Variants in CAVIN1 observed in about 807,000 individuals in gnomAD.
CAVIN1 encodes caveolae associated protein 1, also known as caveolae-associated protein 1.
In CAVIN1, 16 loss-of-function variants were observed where a neutral mutation model predicts 24.0. The observed-to-expected ratio is 0.67, with a 90% confidence interval of 0.45 to 1.01. CAVIN1 has a LOEUF of 1.01. CAVIN1 is among the 50% of genes least tolerant of loss of function. The pLI, the probability that CAVIN1 is intolerant of heterozygous loss-of-function variation, is 0.00. For synonymous variants in CAVIN1, 256 were observed against 256.4 expected, an observed-to-expected ratio of 1.00 and a Z score of 0.02; for missense variants, 510 against 551.7, an observed-to-expected ratio of 0.92 and a Z score of 0.76.
chr17:42,420,087 G>A (rs575215490), intron 1 of CAVIN1, among the ~76,000 whole-genome samples: 5 of 150,346 alleles, frequency 3.3e-5, no homozygotes, highest in Admixed American at 2.0e-4. Flanking sequence ...TCTCTGCCCC[G>A]CCCCCACTGC....
At chr17:42,406,473 C>A (rs1194946067) in intron 1 of CAVIN1, among the ~76,000 whole-genome samples, 1 of 151,180 alleles carries the variant, frequency 6.6e-6, no homozygotes. Flanking sequence ...CTCCCAGGTT[C>A]AAGCAATTCT....
In CAVIN1 at chr17:42,405,292, C is replaced by T; in HGVS notation, c.568G>A (p.Glu190Lys). The change falls in exon 2 of 2, where the codon GAG becomes AAG. Residue 190 changes from glutamate to lysine, a missense_variant. Physicochemically the swap from Glu to Lys is moderately conservative, Grantham distance 56. Coordinates refer to ENST00000357037, the MANE Select transcript of CAVIN1 (RefSeq NM_012232.6). The part of the protein sequence containing the change: ...EKEGEELGEG[E>K]RPEEDAAALE... ...GCCGCTGCGTCCTCCTCGGGCCGCT[C>T]GCCCTCGCCCAGCTCCTCGCCCTCC... 6.2e-7 allele frequency: 1 copy of T among 1,612,518 alleles called. No individual in the cohort carries two copies. The highest frequency in any genetic ancestry group is 8.5e-7 in the Non-Finnish European group (1 of 1,179,940).
At chr17:42,422,210 G>T (rs958029932) in intron 1 of CAVIN1, among the ~76,000 whole-genome samples, 3 of 152,202 alleles carry the variant, frequency 2.0e-5, no homozygotes, top group African/African-American at 7.2e-5. Flanking sequence ...CGCTTACAGC[G>T]GACCCCAACG....
intron 1 of CAVIN1, chr17:42,411,664 T>C (rs1598574733): frequency 3.0e-6 from 3 of 985,280 alleles, no homozygotes; most frequent in East Asian, 2.3e-4. Context: ...CTGAGCCTCA[T>C]GATGGCCCTC....
At chr17:42,422,391 G>A (rs1176355946) in intron 1 of CAVIN1, among the ~76,000 whole-genome samples, 1 of 152,156 alleles carries the variant, frequency 6.6e-6, no homozygotes, top group Non-Finnish European at 1.5e-5. Flanking sequence ...GGGGAGGTGC[G>A]AGGTGCAGAG....
chr17:42,408,468 G>A (rs1477249011), intron 1 of CAVIN1, among the ~76,000 whole-genome samples: 1 of 144,204 alleles, frequency 6.9e-6, no homozygotes, highest in Non-Finnish European at 1.5e-5. Flanking sequence ...AGCAATCCTA[G>A]TGAGAGGAGG....
At chr17:42,415,714 A>AAAAAC (rs140333019) in intron 1 of CAVIN1, among the ~76,000 whole-genome samples, 2,125 of 152,130 alleles carry the variant, frequency 0.014, 21 homozygotes, top group South Asian at 0.031. Flanking sequence ...CCTGTCTCAG[A>AAAAAC]AAAACAAAAC....
chr17:42,405,692 T>TTTTTTTTTTTTTTTG (rs2085441965), intron 1 of CAVIN1, among the ~76,000 whole-genome samples: 1 of 122,532 alleles, frequency 8.2e-6, no homozygotes, highest in African/African-American at 3.2e-5. Flanking sequence ...GTTTTTTTTT[T>TTTTTTTTTTTTTTTG]TTTTTTTTTT....
intron 1 of CAVIN1, among the ~76,000 whole-genome samples, chr17:42,414,913 C>T (rs1006623421): frequency 1.3e-5 from 2 of 150,708 alleles, no homozygotes; most frequent in Admixed American, 6.6e-5. Flanking sequence ...CCCCTACGCC[C>T]CTCCCCTCCC....
chr17:42,409,379 G>A (rs775612530), intron 1 of CAVIN1, among the ~76,000 whole-genome samples: 2 of 152,184 alleles, frequency 1.3e-5, no homozygotes, highest in Non-Finnish European at 2.9e-5. Flanking sequence ...GAGATTTCTC[G>A]CATGAGCCAC....
At chr17:42,408,241 C>A (rs1430085785) in intron 1 of CAVIN1, among the ~76,000 whole-genome samples, 1 of 152,020 alleles carries the variant, frequency 6.6e-6, no homozygotes, top group Non-Finnish European at 1.5e-5. Context: ...TCTGCCCTAC[C>A]CCCAGCATCC....
intron 1 of CAVIN1, among the ~76,000 whole-genome samples, chr17:42,422,225 C>T (rs2085553003): frequency 6.6e-6 from 1 of 152,186 alleles, no homozygotes; most frequent in Non-Finnish European, 1.5e-5. Context: ...CCAACGATCG[C>T]GAGGGACCCC....
intron 1 of CAVIN1, among the ~76,000 whole-genome samples, chr17:42,415,633 C>G (rs533505530): frequency 5.9e-5 from 9 of 151,960 alleles, no homozygotes; most frequent in Admixed American, 5.9e-4. Flanking sequence ...AATGCTTGAG[C>G]CCGGACGACA....
intron 1 of CAVIN1, among the ~76,000 whole-genome samples, chr17:42,419,512 T>C (rs1226693201): frequency 6.6e-6 from 1 of 151,988 alleles, no homozygotes; most frequent in African/African-American, 2.4e-5. Context: ...GGTTTCACCA[T>C]GTTGGCCAGG....
At chr17:42,415,004 C>G (rs949870718) in intron 1 of CAVIN1, among the ~76,000 whole-genome samples, 1 of 151,492 alleles carries the variant, frequency 6.6e-6, no homozygotes, top group Non-Finnish European at 1.5e-5. Flanking sequence ...GTCACCAGGC[C>G]AGGTGACCAC....
chr17:42,422,703 G>T lies in CAVIN1; in HGVS notation c.395C>A (p.Ala132Glu), dbSNP rs1433222787. 1 of 1,608,224 alleles carries T rather than the reference G, an allele frequency of 6.2e-7. No individual in the cohort carries two copies. Among genetic ancestry groups the T allele is most frequent in the African/African-American group, 1.3e-5 (1 of 74,762 alleles). ...KTVRGSLERQ[A>E]GQIKKLEVNE... ...GACCTCCAGCTTCTTGATCTGCCCC[G>T]CCTGGCGCTCCAGGCTGCCGCGCAC... Residue 132 changes from alanine (A) to glutamate (E), a missense_variant, in exon 1 of 2, where the codon GCG becomes GAG. Transcript: ENST00000357037.
chr17:42,404,583 G>T lies in CAVIN1; in HGVS notation c.*104C>A. Reference sequence around the variant, plus strand: ...TTCCTGGAGGTGTGGGGAGGGGGGCGTGTTTTCAATTTAGAAAAATCTCAG... The same window carrying T: ...TTCCTGGAGGTGTGGGGAGGGGGGCTTGTTTTCAATTTAGAAAAATCTCAG... On this transcript the variant is annotated 3_prime_UTR_variant, in exon 2 of 2. Transcript: ENST00000357037. 1.3e-6 allele frequency: 1 copy of T among 749,314 alleles called. No individual in the cohort carries two copies. The highest frequency in any genetic ancestry group is 2.0e-6 in the Non-Finnish European group (1 of 506,482). The allele number at this position is 749,314 out of a possible 1,614,324, so 46.4% of individuals were successfully genotyped here. A position where few individuals can be genotyped will look rare whatever the true frequency, so the allele number is the denominator to read the frequency against.
chr17:42,421,848 C>T (rs2085549180), intron 1 of CAVIN1, among the ~76,000 whole-genome samples: 1 of 152,200 alleles, frequency 6.6e-6, no homozygotes, highest in East Asian at 1.9e-4. Flanking sequence ...CCGCCGGACC[C>T]CGCAGGGGCT....
chr17:42,413,575 A>G (rs2085494307), intron 1 of CAVIN1, among the ~76,000 whole-genome samples: 5 of 29,966 alleles, frequency 1.7e-4, no homozygotes, highest in South Asian at 1.4e-3. Context: ...GGAAAAAAAA[A>G]AAAAAAAAAA....
Sources: allele counts gnomAD v4.1 joint callset (sites outside exome capture counted in the v4.1 genomes callset), GRCh38; gene constraint gnomAD v4.1.1; transcripts MANE v1.5; gene names NCBI Gene and HGNC (gene_info 2026-07-23, HGNC 2026-07-21).